Variants in ZFAT observed in about 807,000 individuals in gnomAD.
The protein encoded by ZFAT is zinc finger protein ZFAT.
In ZFAT, 64 loss-of-function variants were observed where a neutral mutation model predicts 117.7. The observed-to-expected ratio is 0.54, with a 90% CI of 0.44 to 0.67. The LOEUF is 0.67. Ranked by LOEUF, ZFAT falls within the 30% of genes least tolerant of loss-of-function variation. The pLI is 0.00. For missense variants in ZFAT, 1,433 were observed against 1,584.5 expected (o/e 0.90, Z 1.62); for synonymous variants, 679 against 615.0 (o/e 1.10, Z -1.54).
upstream of ZFAT, among the ~76,000 whole-genome samples, chr8:134,713,594 T>C (rs552686514): frequency 2.6e-5 from 4 of 152,214 alleles, no homozygotes; most frequent in East Asian, 7.7e-4. Context: ...CTCTCTCGTC[T>C]CTTTTTGTCC....
Position 134,564,125 on chromosome 8 carries a change from T to G in ZFAT, c.2976+1208A>C, listed in dbSNP as rs1399212001. ...AGCCAAGATCGTGCCACTGCACTCCTGCCTGGGCAACAGAGGAGCAGAGGA... is the reference window on the plus strand; with the variant it reads ...AGCCAAGATCGTGCCACTGCACTCCGGCCTGGGCAACAGAGGAGCAGAGGA... On this transcript the variant is annotated intron_variant, in intron 11 of 15. Transcript: ENST00000377838. Among the ~76,000 whole-genome samples the G allele has an allele frequency of 2.1e-5, 3 of 143,842 alleles. No homozygotes were observed. In the South Asian group the frequency reaches 6.4e-4, roughly 31 times the overall value. 94.4% of individuals were successfully genotyped at this position (143,842 alleles called of 152,430 possible).
At chr8:134,802,473 C>A in the ZFAT span, among the ~76,000 whole-genome samples, 1 of 152,146 alleles carries the variant, frequency 6.6e-6, no homozygotes, top group African/African-American at 2.4e-5. Context: ...GTAGAAGGAA[C>A]TGAGGTGTGG....
Position 134,602,203 on chromosome 8 carries a change from C to T in ZFAT, c.1516G>A (p.Asp506Asn). Residue 506 changes from aspartate to asparagine, a missense_variant, in exon 6 of 16, where the codon GAC becomes AAC. By Grantham distance (23) the Asp-to-Asn change is conservative. Transcript: ENST00000377838. ...TCCCCCAGAGCTTCTTGCTGGATGT[C>T]CCCACCAGGTTCCAGGAGGCAGAAG... is the stretch of plus-strand genomic sequence containing the variant. ...QSFCLLEPGG[D>N]IQQEALGDQL... The T allele has an allele frequency of 6.2e-7, 1 of 1,613,522 alleles. No homozygotes were observed. Among genetic ancestry groups the T allele is most frequent in the Middle Eastern group, 1.6e-4 (1 of 6,062 alleles).
the ZFAT span, chr8:134,766,737 C>T: frequency 6.6e-6 from 1 of 152,196 alleles, no homozygotes; most frequent in Non-Finnish European, 1.5e-5. Context: ...AGGTAGAATA[C>T]TACCACTTTA....
the ZFAT span, chr8:134,794,522 T>A: frequency 1.3e-5 from 2 of 152,246 alleles, no homozygotes; most frequent in Non-Finnish European, 2.9e-5. Context: ...CTGGACCGCA[T>A]AAAGCTTTTT....
chr8:134,595,711 T>C (rs1826877798), intron 7 of ZFAT, among the ~76,000 whole-genome samples: 2 of 152,240 alleles, frequency 1.3e-5, no homozygotes, highest in South Asian at 4.1e-4. Flanking sequence ...GACTGTAAGT[T>C]GACATTATTT....
intron 3 of ZFAT, among the ~76,000 whole-genome samples, chr8:134,636,464 C>A (rs1237214589): frequency 6.6e-6 from 1 of 152,168 alleles, no homozygotes; most frequent in African/African-American, 2.4e-5. Context: ...ATTGTCAAAG[C>A]AACCATAGGA....
chr8:134,725,937 T>C, the ZFAT span, among the ~76,000 whole-genome samples: 1 of 152,144 alleles, frequency 6.6e-6, no homozygotes, highest in Non-Finnish European at 1.5e-5. Context: ...CATTCATTCA[T>C]TCTATCAATG....
chr8:134,590,698 C>T (rs901975910), intron 7 of ZFAT, among the ~76,000 whole-genome samples: 1 of 123,110 alleles, frequency 8.1e-6, no homozygotes, highest in East Asian at 2.8e-4. Context: ...CCAACAACAA[C>T]ACCACGACCA....
chr8:134,520,746 G>A (rs1166753968), intron 13 of ZFAT, 137 bp downstream of exon 13: 1 of 675,524 alleles, frequency 1.5e-6, no homozygotes, highest in Admixed American at 2.7e-5. Flanking sequence ...GACATCATTT[G>A]AAAACGTTTC....
chr8:134,558,559 AT>A (rs1413279499), intron 11 of ZFAT, among the ~76,000 whole-genome samples: 2 of 152,260 alleles, frequency 1.3e-5, no homozygotes, highest in Non-Finnish European at 2.9e-5. Flanking sequence ...CTAAAAATTT[AT>A]AAAAAATACA....
chr8:134,816,468 G>C, the ZFAT span, among the ~76,000 whole-genome samples: 2 of 150,416 alleles, frequency 1.3e-5, no homozygotes, highest in Non-Finnish European at 3.0e-5. Context: ...TCTGTCAGAT[G>C]ATTCCAGTAA....
chr8:134,571,433 C>T (rs972250040), intron 10 of ZFAT, among the ~76,000 whole-genome samples: 1 of 136,170 alleles, frequency 7.3e-6, no homozygotes, highest in African/African-American at 2.5e-5. Flanking sequence ...ACCATAAATG[C>T]CCCGTGGCGA....
Position 134,672,772 on chromosome 8 carries a change from T to C in ZFAT, c.20-15035A>G, listed in dbSNP as rs541006164. Among the ~76,000 whole-genome samples the C allele has an allele frequency of 4.6e-5, 7 of 152,304 alleles. No individual in the cohort carries two copies. The East Asian group carries it at 1.4e-3, about 29-fold the overall frequency. On this transcript the variant is annotated intron_variant, in intron 1 of 15. Coordinates refer to ENST00000377838, the MANE Select transcript of ZFAT (RefSeq NM_020863.4). The stretch of plus-strand genomic sequence containing the variant: ...AGAACTGTCCACCTAAAATTCCATG[T>C]CCAGTGAAAATATCCTTCAGGAATG...
chr8:134,730,913 G>T, the ZFAT span, among the ~76,000 whole-genome samples: 1 of 152,140 alleles, frequency 6.6e-6, no homozygotes, highest in African/African-American at 2.4e-5. Context: ...ACATCTGAAG[G>T]GCTACTATAT....
At chr8:134,585,619 G>A (rs367929719) in intron 9 of ZFAT, among the ~76,000 whole-genome samples, 2 of 152,224 alleles carry the variant, frequency 1.3e-5, no homozygotes, top group African/African-American at 4.8e-5. Context: ...CGGGCCGGCT[G>A]TGGAACCCTG....
Position 134,533,614 on chromosome 8 carries a change from T to C in ZFAT, c.2977-642A>G, listed in dbSNP as rs1161693416. Among the ~76,000 whole-genome samples the C allele has an allele frequency of 2.6e-5, 4 of 152,252 alleles. No homozygotes were observed. The East Asian group carries it at 7.7e-4, about 29-fold the overall frequency. On this transcript the variant is annotated intron_variant, in intron 11 of 15. Coordinates refer to ENST00000377838, the MANE Select transcript of ZFAT (RefSeq NM_020863.4). The stretch of plus-strand genomic sequence containing the variant: ...AATGAATTCCTCCGCAGTATTTGCC[T>C]GCAAGCACTGGCATACACAAGTGTC...
chr8:134,501,441 G>C (rs1054181406), intron 15 of ZFAT, among the ~76,000 whole-genome samples: 2 of 152,084 alleles, frequency 1.3e-5, no homozygotes, highest in African/African-American at 4.8e-5. Context: ...GGAAACTGCT[G>C]TTACCATCAA....
At chr8:134,644,563 C>T (rs535161621) in intron 2 of ZFAT, among the ~76,000 whole-genome samples, 37 of 152,152 alleles carry the variant, frequency 2.4e-4, no homozygotes, top group Middle Eastern at 3.4e-3. Flanking sequence ...CACTCACACA[C>T]GTACACAACC....
Sources: allele counts gnomAD v4.1 joint callset (sites outside exome capture counted in the v4.1 genomes callset), GRCh38; gene constraint gnomAD v4.1.1; transcripts MANE v1.5; gene names NCBI Gene and HGNC (gene_info 2026-07-23, HGNC 2026-07-21).